The following NREP variants were observed in gnomAD, a reference collection of about 807,000 sequenced individuals.
NREP encodes neuronal regeneration related protein.
NREP carries 5 observed loss-of-function variants against 8.6 expected under a neutral mutation model. That is an observed-to-expected ratio of 0.58 (90% confidence interval 0.30 to 1.22). The LOEUF is 1.22. NREP is among the 50% of genes most tolerant of loss of function. The probability of loss-of-function intolerance (pLI) is 0.07; values close to 1 mark genes in which losing one functional copy is unlikely to be tolerated. For missense variants in NREP, 86 were observed against 82.5 expected, an observed-to-expected ratio of 1.04 and a Z score of -0.17; for synonymous variants, 27 against 28.0, an observed-to-expected ratio of 0.96 and a Z score of 0.11.
At chr5:111,956,907 T>G (rs905515159) in intron 2 of NREP, among the ~76,000 whole-genome samples, 21 of 151,892 alleles carry the variant, frequency 1.4e-4, no homozygotes, top group African/African-American at 4.8e-4. Context: ...GAGGTTGCAG[T>G]GAGCAGAGAT....
intron 2 of NREP, among the ~76,000 whole-genome samples, chr5:111,836,824 GT>G (rs1486440480): frequency 5.9e-5 from 9 of 152,030 alleles, no homozygotes; most frequent in African/African-American, 2.2e-4. Flanking sequence ...CTTCAAAAGG[GT>G]GTCCCGTGTT....
At chr5:111,885,011 A>G (rs552091858) in intron 2 of NREP, among the ~76,000 whole-genome samples, 3 of 152,326 alleles carry the variant, frequency 2.0e-5, no homozygotes, top group African/African-American at 4.8e-5. Flanking sequence ...AGAGTATTCA[A>G]TTAGGAAAAG....
At chr5:111,970,846 A>G (rs866954594) in intron 2 of NREP, among the ~76,000 whole-genome samples, 12 of 151,086 alleles carry the variant, frequency 7.9e-5, no homozygotes, top group African/African-American at 2.2e-4. Context: ...AAAAAAAAAA[A>G]AAAGAAAGAA....
intron 2 of NREP, among the ~76,000 whole-genome samples, chr5:111,874,294 T>A (rs571394776): frequency 1.3e-5 from 2 of 152,294 alleles, no homozygotes; most frequent in East Asian, 3.9e-4. Flanking sequence ...ATGGTAAAAC[T>A]AAGAACTCAA....
upstream of NREP, chr5:111,757,503 G>T: frequency 1.0e-6 from 1 of 985,002 alleles, no homozygotes; most frequent in East Asian, 1.1e-4. Context: ...GAGCTGGCGC[G>T]GAGCCAGCGC....
At chr5:111,914,016 T>C (rs1754984726) in intron 2 of NREP, among the ~76,000 whole-genome samples, 1 of 152,148 alleles carries the variant, frequency 6.6e-6, no homozygotes, top group South Asian at 2.1e-4. Context: ...CTGCTGGTAC[T>C]TTTAGATATG....
chr5:111,815,509 G>A (rs1009723854), intron 2 of NREP, among the ~76,000 whole-genome samples: 4 of 151,152 alleles, frequency 2.6e-5, no homozygotes, highest in Admixed American at 1.3e-4. Context: ...TTTAGTTATC[G>A]TAAATATATT....
intron 2 of NREP, among the ~76,000 whole-genome samples, chr5:111,881,635 T>A (rs1027664387): frequency 1.3e-5 from 2 of 152,048 alleles, no homozygotes; most frequent in Non-Finnish European, 2.9e-5. Context: ...CAACAGAACT[T>A]CCAGAGGAAC....
At chr5:111,894,604 G>C (rs893627344) in intron 2 of NREP, among the ~76,000 whole-genome samples, 2 of 152,144 alleles carry the variant, frequency 1.3e-5, no homozygotes, top group African/African-American at 4.8e-5. Context: ...GTGTTGAAAC[G>C]TGATTCTCCA....
At chr5:111,776,052 TACTGTCAGTAAGTATGA>T (rs1197822765) in intron 2 of NREP, among the ~76,000 whole-genome samples, 1 of 152,186 alleles carries the variant, frequency 6.6e-6, no homozygotes, top group African/African-American at 2.4e-5. Context: ...TTTGATGATT[TACTGTCAGTAAGTATGA>T]GGTGAATAGC....
chr5:111,960,923 C>A (rs1756461476), intron 2 of NREP, among the ~76,000 whole-genome samples: 1 of 152,166 alleles, frequency 6.6e-6, no homozygotes, highest in Non-Finnish European at 1.5e-5. Flanking sequence ...AAAAATCAAT[C>A]TATGAGCCAA....
chr5:111,814,614 T>C (rs1420696686), intron 2 of NREP, among the ~76,000 whole-genome samples: 1 of 152,156 alleles, frequency 6.6e-6, no homozygotes, highest in African/African-American at 2.4e-5. Context: ...GCAACTATTA[T>C]GTACCAGGTA....
intron 2 of NREP, among the ~76,000 whole-genome samples, chr5:111,898,954 G>GA (rs970597988): frequency 1.1e-4 from 16 of 146,874 alleles, no homozygotes; most frequent in Admixed American, 2.0e-4. Context: ...AGTGCTGCAA[G>GA]AAAAAAAAAA....
intron 2 of NREP, among the ~76,000 whole-genome samples, chr5:111,911,759 T>C (rs757599344): frequency 6.6e-6 from 1 of 152,110 alleles, no homozygotes; most frequent in Non-Finnish European, 1.5e-5. Context: ...ACACCAATTA[T>C]ATGACAAGTT....
At chr5:111,828,910 C>T (rs1443987205) in intron 2 of NREP, among the ~76,000 whole-genome samples, 1 of 152,042 alleles carries the variant, frequency 6.6e-6, no homozygotes, top group Non-Finnish European at 1.5e-5. Flanking sequence ...AGATAATAGG[C>T]ATTACACAAA....
At chr5:111,744,462 C>T (rs1749876969) in intron 2 of NREP, among the ~76,000 whole-genome samples, 1 of 151,928 alleles carries the variant, frequency 6.6e-6, no homozygotes, top group Non-Finnish European at 1.5e-5. Context: ...AGATCTGTAT[C>T]CACATGCTAT....
intron 2 of NREP, among the ~76,000 whole-genome samples, chr5:111,747,166 T>C (rs1750061615): frequency 6.6e-6 from 1 of 152,196 alleles, no homozygotes; most frequent in South Asian, 2.1e-4. Flanking sequence ...GTCATGTTTA[T>C]AAGCACCTTA....
intron 2 of NREP, among the ~76,000 whole-genome samples, chr5:111,899,179 TGAG>T (rs1754583423): frequency 1.3e-5 from 2 of 151,752 alleles, no homozygotes; most frequent in Non-Finnish European, 2.9e-5. Context: ...AATATACAAA[TGAG>T]AAAGAGAAAG....
intron 2 of NREP, among the ~76,000 whole-genome samples, chr5:111,791,830 AT>A (rs1213967109): frequency 6.6e-6 from 1 of 152,208 alleles, no homozygotes; most frequent in Non-Finnish European, 1.5e-5. Flanking sequence ...TTATCTTTGT[AT>A]TAATCATTTA....
Sources: gnomAD v4.1 joint callset for allele counts (sites outside exome capture counted in the v4.1 genomes callset) on GRCh38, gnomAD v4.1.1 for gene constraint, MANE v1.5 for transcripts, NCBI Gene and HGNC (gene_info 2026-07-23, HGNC 2026-07-21) for gene names.